Variants in SUSD1 observed in about 807,000 individuals in gnomAD.
SUSD1 encodes the protein sushi domain-containing protein 1.
A neutral mutation model predicts 86.9 loss-of-function variants in SUSD1; 65 were observed. The ratio of observed to expected loss-of-function variants is 0.75; its 90% CI spans 0.61 to 0.92. The LOEUF (loss-of-function observed/expected upper bound fraction) is 0.92, where lower values mean the gene tolerates loss of function less well. Ranked by LOEUF, SUSD1 falls within the 40% of genes least tolerant of loss-of-function variation. The probability of loss-of-function intolerance (pLI) is 0.00; values close to 1 mark genes in which losing one functional copy is unlikely to be tolerated. For missense variants in SUSD1, 850 were observed against 929.7 expected, an observed-to-expected ratio of 0.91 and a Z score of 1.11; for synonymous variants, 346 against 350.0, an observed-to-expected ratio of 0.99 and a Z score of 0.13.
At chr9:112,062,401 GT>G (rs760865365) in intron 13 of SUSD1, among the ~76,000 whole-genome samples, 7 of 152,166 alleles carry the variant, frequency 4.6e-5, no homozygotes, top group Non-Finnish European at 7.3e-5. Flanking sequence ...TCCTTTAGAA[GT>G]CTCTCTATGT....
chr9:112,109,339 A>G (rs1263099686), intron 8 of SUSD1, among the ~76,000 whole-genome samples: 1 of 152,254 alleles, frequency 6.6e-6, no homozygotes, highest in Non-Finnish European at 1.5e-5. Flanking sequence ...GGAAAATAGC[A>G]TAACTCCAAT....
At position 112,127,916 on chromosome 9, in the gene SUSD1, C is replaced by T. The variant is rs545079764; in HGVS notation, c.707-3480G>A. Among the ~76,000 whole-genome samples, 14 of 151,982 alleles carry T rather than the reference C, an allele frequency of 9.2e-5. No homozygotes were observed. The South Asian group carries it at 2.3e-3, about 25-fold the overall frequency. ...CTCCTGGGCTCAAGAAATCCTTCCA[C>T]CTCTGCCTCCCGAGGAGCTGGGACC... On this transcript the variant is annotated intron_variant, in intron 5 of 16. Coordinates refer to ENST00000374270, the MANE Select transcript of SUSD1 (RefSeq NM_022486.5).
At chr9:112,138,281 G>GTATATACACATATATATATATGTGTATAT in intron 5 of SUSD1, among the ~76,000 whole-genome samples, 1 of 47,244 alleles carries the variant, frequency 2.1e-5, no homozygotes, top group East Asian at 4.7e-4. Flanking sequence ...ATATATATAT[G>GTATATACACATATATATATATGTGTATAT]AAGTCCAGGA....
Position 112,144,934 on chromosome 9 carries a change from A to C in SUSD1, c.374-1311T>G, listed in dbSNP as rs1438848612. On this transcript the variant is annotated intron_variant, in intron 3 of 16. Coordinates refer to ENST00000374270, the MANE Select transcript of SUSD1 (RefSeq NM_022486.5). ...TTAGTAGTTTTTTCCCTCAGAACTGACTTTAAAACTTTAAGAATTCCATCA... is the reference window on the plus strand; with the variant it reads ...TTAGTAGTTTTTTCCCTCAGAACTGCCTTTAAAACTTTAAGAATTCCATCA... Among the ~76,000 whole-genome samples, 4 of 152,260 alleles carry C rather than the reference A, an allele frequency of 2.6e-5. No homozygotes were observed. In the South Asian group the frequency reaches 8.3e-4, roughly 32 times the overall value.
At chr9:112,145,207 G>A (rs1422669564) in intron 3 of SUSD1, among the ~76,000 whole-genome samples, 1 of 150,964 alleles carries the variant, frequency 6.6e-6, no homozygotes, top group African/African-American at 2.4e-5. Flanking sequence ...CAGAAGACAG[G>A]AAGCAGCATG....
intron 15 of SUSD1, among the ~76,000 whole-genome samples, chr9:112,048,344 A>G (rs1240809765): frequency 1.3e-5 from 2 of 152,200 alleles, no homozygotes; most frequent in Admixed American, 6.6e-5. Context: ...TCTTCCCATC[A>G]CAACTATAAA....
intron 1 of SUSD1, among the ~76,000 whole-genome samples, chr9:112,159,474 T>C (rs572100879): frequency 6.6e-6 from 1 of 152,302 alleles, no homozygotes; most frequent in South Asian, 2.1e-4. Flanking sequence ...AAATTAACCA[T>C]GGAATATTTC....
chr9:112,058,808 T>C, intron 13 of SUSD1, 122 bp from the exon 14 acceptor site: 2 of 1,271,504 alleles, frequency 1.6e-6, no homozygotes, highest in Non-Finnish European at 2.1e-6. Flanking sequence ...TTTTTTGTTT[T>C]TTTTGAGATG....
chr9:112,170,006 C>A (rs1276134012), intron 1 of SUSD1, among the ~76,000 whole-genome samples: 8 of 152,094 alleles, frequency 5.3e-5, no homozygotes. Context: ...CTTTGCAGTT[C>A]ATTTTCCCTC....
intron 14 of SUSD1, among the ~76,000 whole-genome samples, chr9:112,058,157 A>G (rs966581904): frequency 2.0e-5 from 3 of 151,882 alleles, no homozygotes; most frequent in African/African-American, 7.3e-5. Flanking sequence ...CAGCAGTGCA[A>G]TAGAATGAGG....
At chr9:112,066,508 G>A (rs1397983317) in intron 12 of SUSD1, among the ~76,000 whole-genome samples, 2 of 152,164 alleles carry the variant, frequency 1.3e-5, no homozygotes, top group Non-Finnish European at 2.9e-5. Flanking sequence ...GTGTTCCTAA[G>A]TCAGGTCTGG....
At chr9:112,077,315 A>C (rs1271241835) in intron 12 of SUSD1, among the ~76,000 whole-genome samples, 33 of 151,982 alleles carry the variant, frequency 2.2e-4, no homozygotes. Flanking sequence ...GGAAGTCCTC[A>C]CCTGACTACT....
chr9:112,142,559 A>G, intron 4 of SUSD1, 60 bp from the exon 5 acceptor site: 1 of 1,539,324 alleles, frequency 6.5e-7, no homozygotes, highest in Non-Finnish European at 8.9e-7. Context: ...AAAATTCACA[A>G]TCTCTCTCCA....
rs145942778 is a variant in SUSD1, at chr9:112,051,316, C to T, written c.2149+1083G>A. On this transcript the variant is annotated intron_variant, in intron 15 of 16. Transcript: ENST00000374270. ...CTGGTCTTGGAGCTGGATGCAGTAA[C>T]GGACCCAGCTTTCAGTTGTCTTCCA... 5.3e-5 allele frequency among the ~76,000 whole-genome samples: 8 copies of T among 151,908 alleles called. No homozygotes were observed. In the East Asian group the frequency reaches 1.2e-3, roughly 22 times the overall value.
intron 12 of SUSD1, among the ~76,000 whole-genome samples, chr9:112,065,006 C>T (rs1374375066): frequency 1.3e-5 from 2 of 152,030 alleles, no homozygotes; most frequent in Non-Finnish European, 2.9e-5. Context: ...GGAACAAGTA[C>T]AGTTATTATC....
At position 112,098,553 on chromosome 9, in the gene SUSD1, G is replaced by T; in HGVS notation, c.1391C>A (p.Thr464Lys). The change falls in exon 10 of 17, where the codon ACG becomes AAG. Residue 464 changes from threonine to lysine, a missense_variant. Transcript: ENST00000374270. ...VPVVCLDLYP[T>K]TDYTVNVTLL... ...GGTCACATTCACCGTATAATCAGTC[G>T]TAGGGTACAGATCCAAACACACTAC... The T allele has an allele frequency of 6.2e-7, 1 of 1,614,160 alleles. No individual in the cohort carries two copies. The highest frequency in any genetic ancestry group is 8.5e-7 in the Non-Finnish European group (1 of 1,180,024).
chr9:112,070,570 G>T (rs1273382755), intron 12 of SUSD1, among the ~76,000 whole-genome samples: 2 of 152,162 alleles, frequency 1.3e-5, no homozygotes, highest in African/African-American at 2.4e-5. Flanking sequence ...CTTTCACCTT[G>T]GGTGTGTGAG....
intron 14 of SUSD1, 99 bp from the exon 15 acceptor site, chr9:112,052,537 AAT>A (rs1828262395): frequency 7.5e-7 from 1 of 1,330,072 alleles, no homozygotes. Context: ...CAGCTTTTTC[AAT>A]CTCTTAATCT....
chr9:112,044,782 C>G (rs1342653513), intron 15 of SUSD1, among the ~76,000 whole-genome samples: 1 of 152,072 alleles, frequency 6.6e-6, no homozygotes, highest in African/African-American at 2.4e-5. Context: ...ACACAGAAAC[C>G]TTAAGAGAAT....
Sources: allele counts gnomAD v4.1 joint callset (sites outside exome capture counted in the v4.1 genomes callset), GRCh38; gene constraint gnomAD v4.1.1; transcripts MANE v1.5; gene names NCBI Gene and HGNC (gene_info 2026-07-23, HGNC 2026-07-21).